TMTC2: variants seen among roughly 807,000 people sequenced by gnomAD.
The protein encoded by TMTC2 is protein O-mannosyl-transferase TMTC2.
Under a neutral mutation model 82.4 loss-of-function variants are expected in TMTC2, and 43 were observed. The ratio of observed to expected loss-of-function variants is 0.52; its 90% CI spans 0.41 to 0.67. The LOEUF (loss-of-function observed/expected upper bound fraction) is 0.67. Among genes scored for constraint, TMTC2 ranks in the 30% least tolerant of loss-of-function variants. TMTC2 has a pLI of 0.00. For missense variants in TMTC2, 919 were observed against 1,012.4 expected (o/e 0.91, Z 1.25); for synonymous variants, 408 against 381.9 (o/e 1.07, Z -0.80).
chr12:82,963,353 G>A (rs1005493145), intron 4 of TMTC2, among the ~76,000 whole-genome samples: 1 of 151,704 alleles, frequency 6.6e-6, no homozygotes, highest in Non-Finnish European at 1.5e-5. Context: ...GTTGATTGAA[G>A]GATTTTAATT....
chr12:83,062,733 T>C (rs1882788547), intron 11 of TMTC2, among the ~76,000 whole-genome samples: 1 of 151,810 alleles, frequency 6.6e-6, no homozygotes, highest in South Asian at 2.1e-4. Flanking sequence ...CAGACAAGAC[T>C]GAACACAATC....
intron 8 of TMTC2, among the ~76,000 whole-genome samples, chr12:83,015,120 G>T (rs1682603): frequency 6.6e-6 from 1 of 152,092 alleles, no homozygotes; most frequent in African/African-American, 2.4e-5. Context: ...TTTTAAAATA[G>T]AAATTACTTT....
At chr12:83,042,977 G>C (rs925111430) in intron 9 of TMTC2, among the ~76,000 whole-genome samples, 11 of 152,092 alleles carry the variant, frequency 7.2e-5, no homozygotes, top group Admixed American at 1.3e-4. Flanking sequence ...TGTTTTCTTG[G>C]CCGGTAACTG....
At chr12:82,775,985 A>G (rs2137001858) in intron 1 of TMTC2, among the ~76,000 whole-genome samples, 1 of 152,136 alleles carries the variant, frequency 6.6e-6, no homozygotes, top group African/African-American at 2.4e-5. Flanking sequence ...ATTTCCTCTC[A>G]AAGTTGTACA....
chr12:82,828,726 A>G (rs1276810790), intron 1 of TMTC2, among the ~76,000 whole-genome samples: 4 of 152,136 alleles, frequency 2.6e-5, no homozygotes, highest in Non-Finnish European at 5.9e-5. Context: ...GACCATACAC[A>G]TAGTACCCAA....
chr12:82,854,697 C>A (rs1207232307), intron 1 of TMTC2, among the ~76,000 whole-genome samples: 1 of 152,146 alleles, frequency 6.6e-6, no homozygotes, highest in Non-Finnish European at 1.5e-5. Flanking sequence ...AGTGAACCAT[C>A]CCGGCCACAT....
chr12:82,722,398 C>CAAAAAAAAAAA (rs67785786), intron 1 of TMTC2, among the ~76,000 whole-genome samples: 1 of 102,582 alleles, frequency 9.7e-6, no homozygotes, highest in Non-Finnish European at 1.8e-5. Context: ...ACTAAAAATA[C>CAAAAAAAAAAA]AAAAAAAAAA....
intron 8 of TMTC2, among the ~76,000 whole-genome samples, chr12:82,995,627 TC>T (rs1399793259): frequency 6.6e-6 from 1 of 152,218 alleles, no homozygotes; most frequent in Non-Finnish European, 1.5e-5. Flanking sequence ...TTCACATTTT[TC>T]CCAAGTTCTG....
At chr12:83,016,651 A>G (rs917656719) in intron 8 of TMTC2, among the ~76,000 whole-genome samples, 2 of 152,182 alleles carry the variant, frequency 1.3e-5, no homozygotes, top group African/African-American at 2.4e-5. Context: ...GGGTGGATGC[A>G]TGACTTTGTC....
chr12:82,768,775 T>C (rs925994470), intron 1 of TMTC2, among the ~76,000 whole-genome samples: 3 of 152,062 alleles, frequency 2.0e-5, no homozygotes, highest in Admixed American at 1.3e-4. Context: ...CGAGAGCCTA[T>C]AGTATTTTTT....
intron 11 of TMTC2, among the ~76,000 whole-genome samples, chr12:83,095,944 A>C (rs1884014390): frequency 6.6e-6 from 1 of 152,242 alleles, no homozygotes; most frequent in Non-Finnish European, 1.5e-5. Flanking sequence ...CAGAACTTGT[A>C]GTTTCTTACT....
chr12:82,872,110 T>G (rs1015597758), intron 2 of TMTC2, among the ~76,000 whole-genome samples: 6 of 144,122 alleles, frequency 4.2e-5, no homozygotes, highest in Non-Finnish European at 8.9e-5. Flanking sequence ...GTGATACTGA[T>G]GGATGTGTGA....
chr12:82,975,191 A>T (rs1390371055), intron 7 of TMTC2, among the ~76,000 whole-genome samples: 1 of 152,168 alleles, frequency 6.6e-6, no homozygotes, highest in Non-Finnish European at 1.5e-5. Flanking sequence ...TTGTGTTCAG[A>T]GCCTTAACGC....
In TMTC2 at chr12:82,857,060, A is replaced by C. The variant is rs1261602617; in HGVS notation, c.134A>C (p.His45Pro). The C allele has an allele frequency of 6.2e-7, 1 of 1,613,376 alleles. No homozygotes were observed. Among genetic ancestry groups the C allele is most frequent in the Non-Finnish European group, 8.5e-7 (1 of 1,180,046 alleles). Reference protein sequence around the residue: ...QDLLPETPWTHIFYNDFWGTL... With the variant: ...QDLLPETPWTPIFYNDFWGTL... ...CTTCTCCCAGAAACTCCATGGACGCACATTTTCTACAATGATTTTTGGGGG... is the reference window on the plus strand; with the variant it reads ...CTTCTCCCAGAAACTCCATGGACGCCCATTTTCTACAATGATTTTTGGGGG... The change falls in exon 2 of 12, where the codon CAC (histidine) becomes CCC (proline). Residue 45 changes from histidine (H) to proline (P), a missense_variant. Physicochemically the swap from His to Pro is moderately conservative, Grantham distance 77. Transcript: ENST00000321196.
chr12:82,894,499 C>G (rs560793230), intron 2 of TMTC2, among the ~76,000 whole-genome samples: 1 of 152,170 alleles, frequency 6.6e-6, no homozygotes, highest in East Asian at 1.9e-4. Context: ...TTTGGTGTAT[C>G]CTTTGTAAGA....
chr12:82,884,300 C>G (rs2137160428), intron 2 of TMTC2, among the ~76,000 whole-genome samples: 1 of 152,198 alleles, frequency 6.6e-6, no homozygotes, highest in East Asian at 1.9e-4. Context: ...TACTTGCTTC[C>G]CATTTAGGGG....
At chr12:82,884,641 G>A (rs1872997781) in intron 2 of TMTC2, among the ~76,000 whole-genome samples, 1 of 151,966 alleles carries the variant, frequency 6.6e-6, no homozygotes, top group African/African-American at 2.4e-5. Flanking sequence ...AACAGTTTTA[G>A]GTTTATATAA....
intron 10 of TMTC2, among the ~76,000 whole-genome samples, chr12:83,054,198 G>A (rs999116173): frequency 6.6e-6 from 1 of 152,046 alleles, no homozygotes; most frequent in Admixed American, 6.6e-5. Flanking sequence ...AGTAAACTTT[G>A]TTGTCTTAAT....
chr12:82,752,665 T>C (rs1876081620), intron 1 of TMTC2, among the ~76,000 whole-genome samples: 1 of 151,592 alleles, frequency 6.6e-6, no homozygotes, highest in African/African-American at 2.4e-5. Flanking sequence ...AAAATAGGCC[T>C]ATATAGCTGC....
Sources: gnomAD v4.1 joint callset for allele counts (sites outside exome capture counted in the v4.1 genomes callset) on GRCh38, gnomAD v4.1.1 for gene constraint, MANE v1.5 for transcripts, NCBI Gene and HGNC (gene_info 2026-07-23, HGNC 2026-07-21) for gene names.